Variants in TENM2 observed in about 807,000 individuals in gnomAD.
TENM2 encodes the protein teneurin transmembrane protein 2, also known as teneurin-2.
In TENM2, 52 loss-of-function variants were observed where a neutral mutation model predicts 245.2. The ratio of observed to expected loss-of-function variants is 0.21; its 90% CI spans 0.17 to 0.27. TENM2 has a LOEUF of 0.27. Among genes scored for constraint, TENM2 ranks in the 10% least tolerant of loss-of-function variants. The pLI is 1.00. For missense variants in TENM2, 3,046 were observed against 3,666.8 expected (o/e 0.83, Z 4.37); for synonymous variants, 1,363 against 1,438.9 (o/e 0.95, Z 1.19).
intron 2 of TENM2, among the ~76,000 whole-genome samples, chr5:167,551,893 T>G (rs7709731): frequency 0.098 from 14,908 of 152,182 alleles, 789 homozygotes; most frequent in African/African-American, 0.11. Flanking sequence ...AAGTTGGTGT[T>G]GACTTCTAGG....
At chr5:168,038,998 T>C (rs1787946430) in intron 5 of TENM2, among the ~76,000 whole-genome samples, 1 of 151,948 alleles carries the variant, frequency 6.6e-6, no homozygotes, top group Admixed American at 6.6e-5. Flanking sequence ...AACCCTCTCC[T>C]CCCTTGCCTG....
At chr5:167,742,105 C>T (rs1250289272) in intron 2 of TENM2, among the ~76,000 whole-genome samples, 1 of 152,132 alleles carries the variant, frequency 6.6e-6, no homozygotes. Context: ...TCTTCATGAA[C>T]CTAAACTAAC....
chr5:168,225,597 CA>C (rs1331590226), intron 23 of TENM2, among the ~76,000 whole-genome samples: 1 of 151,840 alleles, frequency 6.6e-6, no homozygotes, highest in Non-Finnish European at 1.5e-5. Flanking sequence ...CCCATCTCTA[CA>C]AAAAATGCAA....
At chr5:167,914,364 C>T (rs1776768286) in intron 3 of TENM2, among the ~76,000 whole-genome samples, 1 of 152,080 alleles carries the variant, frequency 6.6e-6, no homozygotes, top group Admixed American at 6.5e-5. Flanking sequence ...GGCTCATGTC[C>T]CCTCCTCTGT....
At chr5:168,055,915 T>TTA (rs1264203756) in intron 6 of TENM2, among the ~76,000 whole-genome samples, 2 of 152,230 alleles carry the variant, frequency 1.3e-5, no homozygotes, top group African/African-American at 4.8e-5. Flanking sequence ...CATTGCCTCC[T>TTA]TAAGGTCTCA....
the TENM2 span, among the ~76,000 whole-genome samples, chr5:167,170,799 A>G: frequency 6.6e-6 from 1 of 152,226 alleles, no homozygotes; most frequent in African/African-American, 2.4e-5. Context: ...AGCTAAATCC[A>G]GTGGCCTGAG....
At chr5:167,391,679 G>A (rs1285445328) in intron 2 of TENM2, among the ~76,000 whole-genome samples, 2 of 150,292 alleles carry the variant, frequency 1.3e-5, no homozygotes, top group Non-Finnish European at 3.0e-5. Flanking sequence ...TTTAGCCACT[G>A]GATGGATTCC....
At chr5:167,046,137 A>G in the TENM2 span, among the ~76,000 whole-genome samples, 17 of 152,066 alleles carry the variant, frequency 1.1e-4, no homozygotes, top group African/African-American at 3.4e-4. Flanking sequence ...AACTCACGGG[A>G]AAAAAAAGGT....
At chr5:167,890,199 C>T (rs1195100041) in intron 3 of TENM2, among the ~76,000 whole-genome samples, 1 of 152,050 alleles carries the variant, frequency 6.6e-6, no homozygotes, top group Non-Finnish European at 1.5e-5. Flanking sequence ...TTTCAAATAT[C>T]ATGATTCTAG....
At chr5:167,937,040 C>T (rs1022831592) in intron 3 of TENM2, among the ~76,000 whole-genome samples, 2 of 152,132 alleles carry the variant, frequency 1.3e-5, no homozygotes, top group African/African-American at 2.4e-5. Context: ...GTATACACCA[C>T]GATGTTTTGA....
rs975793147 is a variant in TENM2, at chr5:167,673,877, G to A, written c.503-202109G>A. On this transcript the variant is annotated intron_variant, in intron 2 of 28. Transcript: ENST00000518659. ...TAAAATAATATTGTGTGCTCTTGGGGCTACTGCAGACTCTTTTGTGTCTAT... is the reference window on the plus strand; with the variant it reads ...TAAAATAATATTGTGTGCTCTTGGGACTACTGCAGACTCTTTTGTGTCTAT... Among the ~76,000 whole-genome samples, 12 of 152,140 alleles carry A rather than the reference G, an allele frequency of 7.9e-5. No homozygotes were observed. The South Asian group carries it at 1.2e-3, about 16-fold the overall frequency.
At chr5:167,661,779 T>G (rs1755222602) in intron 2 of TENM2, among the ~76,000 whole-genome samples, 1 of 151,554 alleles carries the variant, frequency 6.6e-6, no homozygotes, top group African/African-American at 2.4e-5. Context: ...ATGTCACTGA[T>G]AGCTTAGGCA....
intron 13 of TENM2, among the ~76,000 whole-genome samples, chr5:168,167,242 G>T (rs1427622096): frequency 5.3e-5 from 8 of 152,158 alleles, no homozygotes; most frequent in African/African-American, 1.9e-4. Context: ...CAAGACAGAG[G>T]TGTGAGATTT....
chr5:167,484,219 C>T (rs1035780032), intron 2 of TENM2, among the ~76,000 whole-genome samples: 1 of 152,058 alleles, frequency 6.6e-6, no homozygotes, highest in East Asian at 1.9e-4. Context: ...GTGGCGGGAA[C>T]CTGCAATCCT....
intron 2 of TENM2, among the ~76,000 whole-genome samples, chr5:167,844,125 C>T (rs1460767382): frequency 6.6e-6 from 1 of 152,010 alleles, no homozygotes; most frequent in Non-Finnish European, 1.5e-5. Context: ...TCAAGGATAG[C>T]ATTTTAGGAG....
chr5:167,575,008 G>A (rs894416415), intron 2 of TENM2, among the ~76,000 whole-genome samples: 1 of 150,384 alleles, frequency 6.6e-6, no homozygotes, highest in Non-Finnish European at 1.5e-5. Context: ...TACTTCTGTT[G>A]TTTTAAAGTT....
chr5:167,336,403 T>C (rs1454362592), intron 1 of TENM2, among the ~76,000 whole-genome samples: 1 of 151,756 alleles, frequency 6.6e-6, no homozygotes, highest in Non-Finnish European at 1.5e-5. Flanking sequence ...GTGGTTTTTT[T>C]TTTTTCTTTG....
chr5:168,017,111 C>T (rs904398021), intron 5 of TENM2, among the ~76,000 whole-genome samples: 6 of 152,146 alleles, frequency 3.9e-5, no homozygotes, highest in Non-Finnish European at 5.9e-5. Flanking sequence ...TTCCTTTGTA[C>T]TGAGTCAGCT....
chr5:168,261,043 C>T (rs1053410396), intron 28 of TENM2, among the ~76,000 whole-genome samples: 12 of 152,128 alleles, frequency 7.9e-5, no homozygotes, highest in African/African-American at 2.4e-4. Context: ...AATAATTGTC[C>T]AGATTGTGTA....
Sources: gnomAD v4.1 joint callset for allele counts (sites outside exome capture counted in the v4.1 genomes callset) on GRCh38, gnomAD v4.1.1 for gene constraint, MANE v1.5 for transcripts, NCBI Gene and HGNC (gene_info 2026-07-23, HGNC 2026-07-21) for gene names.